Variants in PLPPR2 observed in about 807,000 individuals in gnomAD.
PLPPR2 encodes the protein phospholipid phosphatase-related protein type 2.
Under a neutral mutation model 40.3 loss-of-function variants are expected in PLPPR2, and 11 were observed. The observed-to-expected ratio is 0.27, with a 90% confidence interval of 0.17 to 0.45. The LOEUF is 0.45. Among genes scored for constraint, PLPPR2 ranks in the 20% least tolerant of loss-of-function variants. The pLI is 1.00. For missense variants in PLPPR2, 497 were observed against 640.7 expected (o/e 0.78, Z 2.42); for synonymous variants, 260 against 290.8 (o/e 0.89, Z 1.08).
Position 11,357,725 on chromosome 19 carries a change from T to C in PLPPR2, c.52T>C (p.Phe18Leu), listed in dbSNP as rs750491768. 1.3e-5 allele frequency: 21 copies of C among 1,605,314 alleles called. No homozygotes were observed. Among genetic ancestry groups the C allele is most frequent in the Non-Finnish European group, 1.6e-5 (19 of 1,175,544 alleles). ...LKRSFSIIPC[F>L]VFVESVLLGI... ...GAGGAGTTTCTCCATCATCCCCTGCTTTGTCTTCGTGGAGGTGAGGACCCC... is the reference window on the plus strand; with the variant it reads ...GAGGAGTTTCTCCATCATCCCCTGCCTTGTCTTCGTGGAGGTGAGGACCCC... The change falls in exon 3 of 10, where the codon TTT becomes CTT. Residue 18 changes from phenylalanine (F) to leucine (L), a missense_variant. Coordinates refer to ENST00000688289, the MANE Select transcript of PLPPR2 (RefSeq NM_001393892.1).
chr19:11,361,278 C>T lies in PLPPR2; in HGVS notation c.453C>T (p.Thr151=). 1 of 1,613,552 alleles carries T rather than the reference C, an allele frequency of 6.2e-7. No individual in the cohort carries two copies. The highest frequency in any genetic ancestry group is 1.1e-5 in the South Asian group (1 of 91,068). The change falls in exon 6 of 10, where the codon ACC becomes ACT. Residue 151 remains threonine (T), a synonymous_variant. Transcript: ENST00000688289. The surrounding 1 kb of genome is among the most constrained non-coding windows in gnomAD (Gnocchi z 6.3). ...TIFANAGQVV[T]GNPTPHFLSV... is the part of the protein sequence containing the mutation. ...TCGCCAACGCGGGGCAGGTGGTGAC[C>T]GGCAATCCCACGCCACACTTCCTGT... is the stretch of plus-strand genomic sequence containing the variant.
chr19:11,356,616 G>A (rs1339141880), intron 1 of PLPPR2, among the ~76,000 whole-genome samples, 186 bp from the exon 2 acceptor site: 3 of 151,676 alleles, frequency 2.0e-5, no homozygotes, highest in Non-Finnish European at 2.9e-5. Context: ...CCTGGAAGTC[G>A]GCAGGTGCTC....
Position 11,364,808 on chromosome 19 carries a change from AT to A in PLPPR2, c.*120del. ...CCCCCCAAGCCAGCCAGACCCAGAC[AT>A]TAGAAGATGGCTAGAAGGACATTTA... On this transcript the variant is annotated 3_prime_UTR_variant, in exon 10 of 10. Coordinates refer to ENST00000688289, the MANE Select transcript of PLPPR2 (RefSeq NM_001393892.1). This position sits in a 1 kb window ranked among gnomAD's most constrained non-coding sequence, Gnocchi z 5.8. 1 of 1,153,394 alleles carries A rather than the reference AT, an allele frequency of 8.7e-7. No individual in the cohort carries two copies. Among genetic ancestry groups the A allele is most frequent in the Non-Finnish European group, 1.2e-6 (1 of 817,276 alleles). 71.4% of individuals were successfully genotyped at this position (1,153,394 alleles called of 1,614,324 possible). A position where few individuals can be genotyped will look rare whatever the true frequency, so the allele number is the denominator to read the frequency against.
At position 11,362,279 on chromosome 19, in the gene PLPPR2, T is replaced by G. The variant is rs1401072930; in HGVS notation, c.664-234T>G. 1.4e-5 allele frequency: 8 copies of G among 558,722 alleles called. No individual in the cohort carries two copies. In the South Asian group the frequency reaches 1.6e-4, roughly 11 times the overall value. 34.6% of individuals were successfully genotyped at this position (558,722 alleles called of 1,614,324 possible). On this transcript the variant is annotated intron_variant, in intron 6 of 9. Transcript: ENST00000688289. This position sits in a 1 kb window ranked among gnomAD's most constrained non-coding sequence, Gnocchi z 5.3. ...TGGGAGCTCTGGCCACACCTAGCCCTGCAGGTGGTGCCCACGAGACTCCAA... is the reference window on the plus strand; with the variant it reads ...TGGGAGCTCTGGCCACACCTAGCCCGGCAGGTGGTGCCCACGAGACTCCAA...
Position 11,359,464 on chromosome 19 carries a change from G to T in PLPPR2, c.67-68G>T. 1 of 1,405,446 alleles carries T rather than the reference G, an allele frequency of 7.1e-7. No homozygotes were observed. The allele number at this position is 1,405,446 out of a possible 1,614,324, so 87.1% of individuals were successfully genotyped here. A position where few individuals can be genotyped will look rare whatever the true frequency, so the allele number is the denominator to read the frequency against. ...CCATCTCTGTATCTCTGCCTCTGTG[G>T]CCTCAGCTGGAGTCCTGACCTCTCT... On this transcript the variant is annotated intron_variant, in intron 3 of 9. Coordinates refer to ENST00000688289, the MANE Select transcript of PLPPR2 (RefSeq NM_001393892.1). This position sits in a 1 kb window ranked among gnomAD's most constrained non-coding sequence, Gnocchi z 5.6.
At position 11,358,348 on chromosome 19, in the gene PLPPR2, G is replaced by A. The variant is rs897068924; in HGVS notation, c.66+609G>A. On this transcript the variant is annotated intron_variant, in intron 3 of 9. Transcript: ENST00000688289. ...TGGGATTACAGGCGTGAGCCACCAC[G>A]CCCGGCCTCCTAGGGCTGTTCTAAA... Among the ~76,000 whole-genome samples, 5 of 151,498 alleles carry A rather than the reference G, an allele frequency of 3.3e-5. No individual in the cohort carries two copies. In the East Asian group the frequency reaches 5.9e-4, roughly 18 times the overall value.
At chr19:11,360,396 A>G (rs1968011373) in intron 5 of PLPPR2, among the ~76,000 whole-genome samples, 1 of 152,038 alleles carries the variant, frequency 6.6e-6, no homozygotes, top group Non-Finnish European at 1.5e-5. Flanking sequence ...ACTTGGGATT[A>G]CTAGCTACTT....
chr19:11,358,221 AT>A (rs1469820704), intron 3 of PLPPR2, among the ~76,000 whole-genome samples: 8 of 151,886 alleles, frequency 5.3e-5, no homozygotes, highest in Admixed American at 3.3e-4. Context: ...TGCCCAGCTA[AT>A]TTTTGTACTT....
In PLPPR2 at chr19:11,362,611, C is replaced by G; in HGVS notation, c.762C>G (p.Val254=). 6.2e-7 allele frequency: 1 copy of G among 1,613,726 alleles called. No homozygotes were observed. The highest frequency in any genetic ancestry group is 2.2e-5 in the East Asian group (1 of 44,888). Residue 254 remains valine (V), a synonymous_variant, in exon 7 of 10, where the codon GTC becomes GTG. Coordinates refer to ENST00000688289, the MANE Select transcript of PLPPR2 (RefSeq NM_001393892.1). This position sits in a 1 kb window ranked among gnomAD's most constrained non-coding sequence, Gnocchi z 5.3. ...LLCPAFLVGV[V]RVAEYRNHWS... is the part of the protein sequence containing the mutation. ...GCCCGGCCTTCCTGGTGGGCGTGGT[C>G]CGCGTGGCCGAGTACCGAAACCACT...
Position 11,363,805 on chromosome 19 carries a change from T to G in PLPPR2, c.933T>G (p.Asp311Glu), listed in dbSNP as rs752759765. 2 of 1,614,106 alleles carry G rather than the reference T, an allele frequency of 1.2e-6. No individual in the cohort carries two copies. The highest frequency in any genetic ancestry group is 1.7e-6 in the Non-Finnish European group (2 of 1,180,004). Residue 311 changes from aspartate to glutamate, a missense_variant, in exon 8 of 10, where the codon GAT becomes GAG. Transcript: ENST00000688289. This position sits in a 1 kb window ranked among gnomAD's most constrained non-coding sequence, Gnocchi z 4.8. Reference protein sequence around the residue: ...WEDLGQAPTMDSPLEKLSVAQ... With the variant: ...WEDLGQAPTMESPLEKLSVAQ... ...ACCTGGGCCAAGCCCCCACCATGGATAGCCCCCTCGAAAAGTTAAGTGTGG... is the reference window on the plus strand; with the variant it reads ...ACCTGGGCCAAGCCCCCACCATGGAGAGCCCCCTCGAAAAGTTAAGTGTGG...
intron 3 of PLPPR2, among the ~76,000 whole-genome samples, chr19:11,358,611 T>C (rs574669962): frequency 6.6e-6 from 1 of 151,504 alleles, no homozygotes; most frequent in East Asian, 1.9e-4. Flanking sequence ...CTTTCCCTTC[T>C]CTTTCCTCTT....
chr19:11,358,617 C>T (rs1967957672), intron 3 of PLPPR2, among the ~76,000 whole-genome samples: 1 of 151,792 alleles, frequency 6.6e-6, no homozygotes, highest in South Asian at 2.1e-4. Flanking sequence ...CTTCTCTTTC[C>T]TCTTGCTTTC....
rs1024259329 is a variant in PLPPR2 at position 11,361,709 on chromosome 19, G to A, written c.663+221G>A. Among the ~76,000 whole-genome samples, 1 of 152,044 alleles carries A rather than the reference G, an allele frequency of 6.6e-6. No individual in the cohort carries two copies. The highest frequency in any genetic ancestry group is 2.4e-5 in the African/African-American group (1 of 41,382). On this transcript the variant is annotated intron_variant, in intron 6 of 9. Transcript: ENST00000688289. The surrounding 1 kb of genome is among the most constrained non-coding windows in gnomAD (Gnocchi z 6.3). ...TCGCTGTCCATTGACTCCGCCCCTTGCCCTCTGGCCACGCCTCCTGAGCCA... is the reference window on the plus strand; with the variant it reads ...TCGCTGTCCATTGACTCCGCCCCTTACCCTCTGGCCACGCCTCCTGAGCCA...
intron 2 of PLPPR2, 44 bp downstream of exon 2, chr19:11,357,020 G>C (rs535028107): frequency 1.3e-5 from 2 of 153,106 alleles, no homozygotes; most frequent in Non-Finnish European, 2.9e-5. Context: ...GTGTGACTGT[G>C]TTGAGCCCTA....
At position 11,363,778 on chromosome 19, in the gene PLPPR2, G is replaced by C; in HGVS notation, c.906G>C (p.Glu302Asp). 1.2e-6 allele frequency: 2 copies of C among 1,614,204 alleles called. No homozygotes were observed. Among genetic ancestry groups the C allele is most frequent in the Admixed American group, 1.7e-5 (1 of 60,022 alleles). ...CTGGCCGAAGGCTCTCTCCCTGGGA[G>C]GACCTGGGCCAAGCCCCCACCATGG... The part of the protein sequence containing the change: ...PPSGRRLSPW[E>D]DLGQAPTMDS... Residue 302 changes from glutamate (E) to aspartate (D), a missense_variant, in exon 8 of 10, where the codon GAG (glutamate) becomes GAC (aspartate). Coordinates refer to ENST00000688289, the MANE Select transcript of PLPPR2 (RefSeq NM_001393892.1). The surrounding 1 kb of genome is among the most constrained non-coding windows in gnomAD (Gnocchi z 4.8).
chr19:11,357,690 C>T lies in PLPPR2; in HGVS notation c.17C>T (p.Pro6Leu), dbSNP rs775740113. ...GCCTTCACCATGGCGGGAGGGAGAC[C>T]GCATCTGAAGAGGAGTTTCTCCATC... MAGGR[P>L]HLKRSFSIIP... is the part of the protein sequence containing the mutation. The change falls in exon 3 of 10, where the codon CCG (proline) becomes CTG (leucine). Residue 6 changes from proline to leucine, a missense_variant. Physicochemically the swap from Pro to Leu is moderately conservative, Grantham distance 98. Transcript: ENST00000688289. 5.6e-6 allele frequency: 9 copies of T among 1,607,172 alleles called. No individual in the cohort carries two copies. The highest frequency in any genetic ancestry group is 2.2e-5 in the East Asian group (1 of 44,464).
In PLPPR2 at chr19:11,363,621, C is replaced by T; in HGVS notation, c.841-92C>T. 7.0e-7 allele frequency: 1 copy of T among 1,436,328 alleles called. No individual in the cohort carries two copies. Among genetic ancestry groups the T allele is most frequent in the Non-Finnish European group, 9.3e-7 (1 of 1,080,010 alleles). 89.0% of individuals were successfully genotyped at this position (1,436,328 alleles called of 1,614,324 possible). ...TAGCTGTTTTTGAAAACCGGAGCCT[C>T]ACTTTCCTTATCTGAAAAATGGGGA... On this transcript the variant is annotated intron_variant, in intron 7 of 9. Transcript: ENST00000688289. This position sits in a 1 kb window ranked among gnomAD's most constrained non-coding sequence, Gnocchi z 4.8.
chr19:11,357,775 C>A, intron 3 of PLPPR2, 36 bp downstream of exon 3: 23 of 1,537,892 alleles, frequency 1.5e-5, no homozygotes, highest in Non-Finnish European at 2.0e-5. Context: ...AGACGGCGTG[C>A]CTATCTCTGT....
At position 11,361,136 on chromosome 19, in the gene PLPPR2, A is replaced by G; in HGVS notation, c.392-81A>G. On this transcript the variant is annotated intron_variant, in intron 5 of 9. Coordinates refer to ENST00000688289, the MANE Select transcript of PLPPR2 (RefSeq NM_001393892.1). The surrounding 1 kb of genome is among the most constrained non-coding windows in gnomAD (Gnocchi z 6.3). ...GTGTGCTTTAATGACAGTCACAGGA[A>G]AAGGGAGCTAAGAGGCCCAATGGAA... 4.0e-6 allele frequency: 6 copies of G among 1,501,416 alleles called. No individual in the cohort carries two copies. Among genetic ancestry groups the G allele is most frequent in the Non-Finnish European group, 5.3e-6 (6 of 1,122,088 alleles). 93.0% of individuals were successfully genotyped at this position (1,501,416 alleles called of 1,614,324 possible).
Sources: gnomAD v4.1 joint callset for allele counts (sites outside exome capture counted in the v4.1 genomes callset) on GRCh38, gnomAD v4.1.1 for gene constraint, Gnocchi (gnomAD v3.1) non-coding constraint, MANE v1.5 for transcripts, NCBI Gene and HGNC (gene_info 2026-07-23, HGNC 2026-07-21) for gene names.